Variants in PITPNC1 observed in about 807,000 individuals in gnomAD.
The protein encoded by PITPNC1 is cytoplasmic phosphatidylinositol transfer protein 1.
A neutral mutation model predicts 44.7 loss-of-function variants in PITPNC1; 18 were observed. That is an observed-to-expected ratio of 0.40 (90% CI 0.28 to 0.60). The LOEUF is 0.60. PITPNC1 is among the 20% of genes least tolerant of loss of function. PITPNC1 has a pLI of 0.39. For synonymous variants in PITPNC1, 141 were observed against 149.6 expected (o/e 0.94, Z 0.42); for missense variants, 290 against 418.4 (o/e 0.69, Z 2.68).
At chr17:67,637,675 TA>T (rs2042048840) in intron 6 of PITPNC1, 1 of 152,166 alleles carries the variant, frequency 6.6e-6, no homozygotes, top group South Asian at 2.1e-4. Flanking sequence ...CCATCGCCAC[TA>T]ACCGGGGACT....
chr17:67,442,615 A>G lies in PITPNC1; in HGVS notation c.48+64413A>G, dbSNP rs536228449. On this transcript the variant is annotated intron_variant, in intron 1 of 8. Transcript: ENST00000581322. ...CCCAGCATATTGGGAGGCTGAGGCA[A>G]GTGGATCACTTGAGCCCAGGAGTTT... Among the ~76,000 whole-genome samples, 608 of 151,866 alleles carry G rather than the reference A, an allele frequency of 4.0e-3. 12 individuals are homozygous for G. The highest frequency in any genetic ancestry group is 4.3e-3 in the Non-Finnish European group (294 of 67,884).
rs546288444 is a variant in PITPNC1, at chr17:67,488,444, G to A, written c.49-44358G>A. The stretch of plus-strand genomic sequence containing the variant: ...CAATCCTGCAGAACAGAGTCCAGGG[G>A]CCTGGTGTGTGCTGTGTTTTACAGA... On this transcript the variant is annotated intron_variant, in intron 1 of 8. Coordinates refer to ENST00000581322, the MANE Select transcript of PITPNC1 (RefSeq NM_012417.4). 3.9e-5 allele frequency among the ~76,000 whole-genome samples: 6 copies of A among 152,282 alleles called. No individual in the cohort carries two copies. In the South Asian group the frequency reaches 1.2e-3, roughly 32 times the overall value.
In PITPNC1 at chr17:67,695,099, T is replaced by G. The variant is rs2042988607; in HGVS notation, c.*2211T>G. Reference sequence around the variant, plus strand: ...AGGAAGCTAAGTTCTAATTTCCTTTTGTGAGTTTCATTTCTTTTATAACCA... The same window carrying G: ...AGGAAGCTAAGTTCTAATTTCCTTTGGTGAGTTTCATTTCTTTTATAACCA... On this transcript the variant is annotated 3_prime_UTR_variant, in exon 9 of 9. Coordinates refer to ENST00000581322, the MANE Select transcript of PITPNC1 (RefSeq NM_012417.4). 1 of 152,230 alleles carries G rather than the reference T, an allele frequency of 6.6e-6. No homozygotes were observed. Among genetic ancestry groups the G allele is most frequent in the African/African-American group, 2.4e-5 (1 of 41,464 alleles). The allele number at this position is 152,230 out of a possible 1,614,324, so 9.4% of individuals were successfully genotyped here. A position where few individuals can be genotyped will look rare whatever the true frequency, so the allele number is the denominator to read the frequency against.
At chr17:67,385,579 G>A (rs959754393) in intron 1 of PITPNC1, among the ~76,000 whole-genome samples, 1 of 150,064 alleles carries the variant, frequency 6.7e-6, no homozygotes, top group Non-Finnish European at 1.5e-5. Context: ...CCTGCTGTCC[G>A]CTCTTTGGTC....
chr17:67,378,541 C>G (rs2037905907), intron 1 of PITPNC1, among the ~76,000 whole-genome samples: 1 of 152,134 alleles, frequency 6.6e-6, no homozygotes, highest in Admixed American at 6.5e-5. Flanking sequence ...CCGGCGCGCG[C>G]TGTAGCTGGG....
rs773797594 is a variant in PITPNC1, at chr17:67,522,659, C to CTTTTTTTTTTT, written c.49-10139_49-10129dup. ...ATATCATAAAATTTACCATTTTAAT[C>CTTTTTTTTTTT]TTTTTTTTTTTTTTGGAAAATGAGG... On this transcript the variant is annotated intron_variant, in intron 1 of 8. Coordinates refer to ENST00000581322, the MANE Select transcript of PITPNC1 (RefSeq NM_012417.4). Among the ~76,000 whole-genome samples the CTTTTTTTTTTT allele has an allele frequency of 5.9e-3, 692 of 117,132 alleles. 116 individuals are homozygous for CTTTTTTTTTTT. The highest frequency in any genetic ancestry group is 0.029 in the African/African-American group (654 of 22,750). 76.8% of individuals were successfully genotyped at this position (117,132 alleles called of 152,430 possible).
intron 5 of PITPNC1, among the ~76,000 whole-genome samples, chr17:67,584,239 A>G (rs79678190): frequency 2.2e-3 from 328 of 152,318 alleles, no homozygotes; most frequent in African/African-American, 7.5e-3. Flanking sequence ...CACTCACACA[A>G]TAAAAAGACC....
chr17:67,496,523 C>T (rs1195664256), intron 1 of PITPNC1, among the ~76,000 whole-genome samples: 1 of 152,100 alleles, frequency 6.6e-6, no homozygotes, highest in African/African-American at 2.4e-5. Context: ...TCTTGAGTCC[C>T]AGCCTCCCCG....
At chr17:67,420,724 G>A (rs574997211) in intron 1 of PITPNC1, among the ~76,000 whole-genome samples, 6 of 151,992 alleles carry the variant, frequency 3.9e-5, no homozygotes, top group Non-Finnish European at 7.4e-5. Flanking sequence ...GAGCCACTGC[G>A]CCCGGCCTCA....
intron 4 of PITPNC1, among the ~76,000 whole-genome samples, chr17:67,570,416 T>A (rs982201359): frequency 6.6e-6 from 1 of 152,196 alleles, no homozygotes; most frequent in Admixed American, 6.5e-5. Context: ...TTGGCTGCCT[T>A]CCTTGCCATG....
At chr17:67,637,510 C>A (rs1180429851) in intron 6 of PITPNC1, among the ~76,000 whole-genome samples, 1 of 152,148 alleles carries the variant, frequency 6.6e-6, no homozygotes, top group Non-Finnish European at 1.5e-5. Context: ...ACACACACGG[C>A]CATCCAGGCC....
At chr17:67,451,558 G>A (rs917937007) in intron 1 of PITPNC1, among the ~76,000 whole-genome samples, 2 of 151,702 alleles carry the variant, frequency 1.3e-5, no homozygotes, top group African/African-American at 4.8e-5. Context: ...TGTGATTTAC[G>A]TCTCTATAGT....
At chr17:67,403,145 G>A (rs779505659) in intron 1 of PITPNC1, among the ~76,000 whole-genome samples, 1 of 146,630 alleles carries the variant, frequency 6.8e-6, no homozygotes, top group African/African-American at 2.6e-5. Flanking sequence ...AATCCCAAGG[G>A]GCCAAGGCGG....
At chr17:67,687,998 T>C (rs1381904683) in intron 8 of PITPNC1, among the ~76,000 whole-genome samples, 2 of 149,174 alleles carry the variant, frequency 1.3e-5, no homozygotes, top group Admixed American at 1.4e-4. Flanking sequence ...AGTCCTCATG[T>C]CCATTAGCCC....
At chr17:67,689,350 C>CA (rs1464846933) in intron 8 of PITPNC1, among the ~76,000 whole-genome samples, 4 of 152,180 alleles carry the variant, frequency 2.6e-5, no homozygotes, top group African/African-American at 9.7e-5. Context: ...AGCGTTGTTC[C>CA]CGTGACTTCA....
intron 8 of PITPNC1, among the ~76,000 whole-genome samples, chr17:67,683,902 C>A (rs572398752): frequency 6.7e-6 from 1 of 148,940 alleles, no homozygotes; most frequent in East Asian, 2.0e-4. Context: ...CACTTGAACC[C>A]GGGAGGCAGA....
At chr17:67,604,351 C>T (rs1383329125) in intron 5 of PITPNC1, among the ~76,000 whole-genome samples, 5 of 152,254 alleles carry the variant, frequency 3.3e-5, no homozygotes, top group Non-Finnish European at 5.9e-5. Context: ...GGCTGGTAGG[C>T]TAATAGCAGG....
chr17:67,588,235 C>T (rs1346790283), intron 5 of PITPNC1, among the ~76,000 whole-genome samples: 3 of 152,130 alleles, frequency 2.0e-5, no homozygotes, highest in Non-Finnish European at 4.4e-5. Flanking sequence ...AACTCCTGAC[C>T]TCAAGTGATC....
intron 4 of PITPNC1, among the ~76,000 whole-genome samples, chr17:67,573,438 T>C (rs1009081593): frequency 2.0e-5 from 3 of 152,150 alleles, no homozygotes; most frequent in Admixed American, 2.0e-4. Flanking sequence ...CTCAGTCATA[T>C]TGCAGTGTAG....
Sources: gnomAD v4.1 joint callset for allele counts (sites outside exome capture counted in the v4.1 genomes callset) on GRCh38, gnomAD v4.1.1 for gene constraint, MANE v1.5 for transcripts, NCBI Gene and HGNC (gene_info 2026-07-23, HGNC 2026-07-21) for gene names.